The following PTPRD variants were observed in gnomAD, a reference collection of about 807,000 sequenced individuals.
PTPRD encodes the protein protein tyrosine phosphatase receptor type D.
In PTPRD, 34 loss-of-function variants were observed where a neutral mutation model predicts 214.5. The ratio of observed to expected loss-of-function variants is 0.16; its 90% CI spans 0.12 to 0.21. The LOEUF is 0.21. Ranked by LOEUF, PTPRD falls within the 10% of genes least tolerant of loss-of-function variation. PTPRD has a pLI of 1.00. For missense variants in PTPRD, 2,545 were observed against 2,398.7 expected (o/e 1.06, Z -1.27); for synonymous variants, 1,128 against 845.7 (o/e 1.33, Z -5.79).
At chr9:10,512,729 A>T (rs1272725631) in intron 2 of PTPRD, among the ~76,000 whole-genome samples, 1 of 152,102 alleles carries the variant, frequency 6.6e-6, no homozygotes, top group Non-Finnish European at 1.5e-5. Context: ...TTTTGGAGAA[A>T]AATACAAGCT....
intron 12 of PTPRD, among the ~76,000 whole-genome samples, chr9:8,685,006 T>C (rs1489584295): frequency 6.6e-6 from 1 of 152,170 alleles, no homozygotes; most frequent in East Asian, 1.9e-4. Flanking sequence ...GATGCTCTTC[T>C]GGGGATGGGC....
rs560659579 is a variant in PTPRD at position 10,466,004 on chromosome 9, A to G, written c.-599-124987T>C. ...TTTTAGAACTATGATTACCGATTGA[A>G]AAACTTATGTGGAGAAATGAATGAG... On this transcript the variant is annotated intron_variant, in intron 2 of 45. Coordinates refer to ENST00000381196, the MANE Select transcript of PTPRD (RefSeq NM_002839.4). 2.6e-5 allele frequency among the ~76,000 whole-genome samples: 4 copies of G among 152,334 alleles called. No homozygotes were observed. In the East Asian group the frequency reaches 5.8e-4, roughly 22 times the overall value.
At chr9:10,280,892 A>C (rs1266726612) in intron 3 of PTPRD, among the ~76,000 whole-genome samples, 1 of 152,078 alleles carries the variant, frequency 6.6e-6, no homozygotes, top group East Asian at 1.9e-4. Context: ...TAAGATTACA[A>C]GTGTGAGCCA....
rs192782831 is a variant in PTPRD, at chr9:9,461,681, A to C, written c.-236-64199T>G. On this transcript the variant is annotated intron_variant, in intron 8 of 45. Transcript: ENST00000381196. ...TTGTAAGTCTGCATTATTCCTAGAG[A>C]ATTGTACAGCCTCACAAAAATTGTT... is the stretch of plus-strand genomic sequence containing the variant. Among the ~76,000 whole-genome samples, 384 of 152,260 alleles carry C rather than the reference A, an allele frequency of 2.5e-3. 1 individual carries two copies. Among genetic ancestry groups the C allele is most frequent in the African/African-American group, 8.7e-3 (360 of 41,566 alleles).
chr9:10,407,364 A>T (rs2098380692), intron 2 of PTPRD, among the ~76,000 whole-genome samples: 1 of 151,480 alleles, frequency 6.6e-6, no homozygotes, highest in Admixed American at 6.6e-5. Context: ...TTGCGAGAAT[A>T]TCCTCGTTTT....
chr9:8,618,421 A>G (rs1401803429), intron 14 of PTPRD, among the ~76,000 whole-genome samples: 1 of 152,036 alleles, frequency 6.6e-6, no homozygotes, highest in Non-Finnish European at 1.5e-5. Flanking sequence ...TGGACTGTTC[A>G]TTTTCATGAA....
intron 11 of PTPRD, among the ~76,000 whole-genome samples, chr9:8,765,454 C>T (rs960687031): frequency 6.6e-6 from 1 of 152,196 alleles, no homozygotes; most frequent in African/African-American, 2.4e-5. Flanking sequence ...GTGGACAGCC[C>T]CACATGGTGA....
intron 3 of PTPRD, among the ~76,000 whole-genome samples, chr9:10,157,266 T>C (rs1376353609): frequency 6.6e-6 from 1 of 152,214 alleles, no homozygotes; most frequent in African/African-American, 2.4e-5. Context: ...TGACAATTGA[T>C]AAAGGTCTTT....
At chr9:10,484,318 G>T (rs1270677948) in intron 2 of PTPRD, among the ~76,000 whole-genome samples, 1 of 152,048 alleles carries the variant, frequency 6.6e-6, no homozygotes, top group African/African-American at 2.4e-5. Context: ...AAAGACAGTT[G>T]TACCCCTACC....
At chr9:9,613,414 C>T (rs1275802402) in intron 7 of PTPRD, among the ~76,000 whole-genome samples, 2 of 151,766 alleles carry the variant, frequency 1.3e-5, no homozygotes, top group Admixed American at 1.3e-4. Flanking sequence ...ATCATTGTCC[C>T]TGGGTGTGAT....
intron 10 of PTPRD, among the ~76,000 whole-genome samples, chr9:9,131,558 G>T (rs1320197437): frequency 6.6e-6 from 1 of 152,088 alleles, no homozygotes; most frequent in Non-Finnish European, 1.5e-5. Context: ...ATTTGTCAAA[G>T]AATTTCCCTC....
intron 12 of PTPRD, among the ~76,000 whole-genome samples, chr9:8,650,105 A>G (rs2096776207): frequency 6.6e-6 from 1 of 152,000 alleles, no homozygotes; most frequent in Admixed American, 6.6e-5. Context: ...TTTTGTAGAG[A>G]TGGGGTCTAG....
At position 10,050,333 on chromosome 9, in the gene PTPRD, G is replaced by A. The variant is rs148374519; in HGVS notation, c.-544-16543C>T. Among the ~76,000 whole-genome samples the A allele has an allele frequency of 8.8e-3, 1,340 of 151,922 alleles. 16 individuals carry two copies. Among genetic ancestry groups the A allele is most frequent in the African/African-American group, 0.03 (1,237 of 41,398 alleles). On this transcript the variant is annotated intron_variant, in intron 3 of 45. Transcript: ENST00000381196. ...CTAGCACTTTGGGAGGCTGAGGAGGGCTGATCACAAGGTCAGGAGTTGGAG... is the reference window on the plus strand; with the variant it reads ...CTAGCACTTTGGGAGGCTGAGGAGGACTGATCACAAGGTCAGGAGTTGGAG...
At chr9:9,683,689 A>G in intron 7 of PTPRD, among the ~76,000 whole-genome samples, 1 of 151,718 alleles carries the variant, frequency 6.6e-6, no homozygotes, top group Non-Finnish European at 1.5e-5. Flanking sequence ...ATCACATTAT[A>G]ATAGGAATCC....
chr9:8,725,126 T>G (rs1315383795), intron 12 of PTPRD, among the ~76,000 whole-genome samples: 1 of 152,188 alleles, frequency 6.6e-6, no homozygotes, highest in East Asian at 1.9e-4. Flanking sequence ...TCCTGTATGA[T>G]TGTTGTAATG....
At chr9:10,517,614 ATATG>A (rs1158644489) in intron 2 of PTPRD, among the ~76,000 whole-genome samples, 6 of 152,030 alleles carry the variant, frequency 3.9e-5, no homozygotes, top group Admixed American at 6.6e-5. Context: ...TGTAGTATAT[ATATG>A]AATGTATCAA....
At chr9:10,124,054 G>A (rs900298828) in intron 3 of PTPRD, among the ~76,000 whole-genome samples, 1 of 152,160 alleles carries the variant, frequency 6.6e-6, no homozygotes, top group East Asian at 1.9e-4. Flanking sequence ...GCTACTATAA[G>A]TTGAAATGCA....
Position 9,816,616 on chromosome 9 carries a change from A to G in PTPRD, c.-367-49765T>C. ...ATTTAAAGTAATATTTTCCCCTCAA[A>G]TGCCTTATGAGCTTAAAAAAGATGG... On this transcript the variant is annotated intron_variant, in intron 5 of 45. Transcript: ENST00000381196. Among the ~76,000 whole-genome samples the G allele has an allele frequency of 1.3e-5, 2 of 152,052 alleles. 1 individual carries two copies. Among genetic ancestry groups the G allele is most frequent in the Non-Finnish European group, 2.9e-5 (2 of 67,968 alleles).
At chr9:8,586,649 G>A (rs1023735503) in intron 14 of PTPRD, among the ~76,000 whole-genome samples, 1 of 152,116 alleles carries the variant, frequency 6.6e-6, no homozygotes, top group African/African-American at 2.4e-5. Context: ...CTCTAGCTCT[G>A]CCTCACTACA....
Sources: gnomAD v4.1 joint callset for allele counts (sites outside exome capture counted in the v4.1 genomes callset) on GRCh38, gnomAD v4.1.1 for gene constraint, MANE v1.5 for transcripts, NCBI Gene and HGNC (gene_info 2026-07-23, HGNC 2026-07-21) for gene names.